Variants in SSPN observed in about 807,000 individuals in gnomAD.
The protein encoded by SSPN is K-ras oncogene-associated protein.
Under a neutral mutation model 19.1 loss-of-function variants are expected in SSPN, and 15 were observed. The observed-to-expected ratio is 0.78, with a 90% CI of 0.52 to 1.21. The LOEUF (loss-of-function observed/expected upper bound fraction) is 1.21, where lower values mean the gene tolerates loss of function less well. Among genes scored for constraint, SSPN ranks in the 50% most tolerant of loss-of-function variants. The pLI is 0.00. For missense variants in SSPN, 291 were observed against 314.0 expected (o/e 0.93, Z 0.55); for synonymous variants, 147 against 140.3 (o/e 1.05, Z -0.34).
Position 26,230,779 on chromosome 12 carries a change from C to T in SSPN, c.435C>T (p.His145=), listed in dbSNP as rs766567971. The T allele has an allele frequency of 1.2e-6, 2 of 1,614,098 alleles. No homozygotes were observed. The highest frequency in any genetic ancestry group is 2.2e-5 in the East Asian group (1 of 44,900). The change falls in exon 3 of 3, where the codon CAC becomes CAT. Residue 145 remains histidine (H), a synonymous_variant. Transcript: ENST00000242729. ...TGCTGGCCGTGGCCTTTGCCGCCCA[C>T]CACTATTCGCAGCTCACACAGTTTA... is the stretch of plus-strand genomic sequence containing the variant. ...VCVLAVAFAA[H]HYSQLTQFTC...
At chr12:26,211,997 A>C (rs1351335) in intron 1 of SSPN, among the ~76,000 whole-genome samples, 151,763 of 152,276 alleles carry the variant, frequency 1, 75,627 homozygotes, top group Middle Eastern at 1. Context: ...TTTATCACAA[A>C]GTACTGGTGA....
rs1014229273 is a variant in SSPN, at chr12:26,233,176, T to A, written c.*2100T>A. 2 of 152,070 alleles carry A rather than the reference T, an allele frequency of 1.3e-5. No homozygotes were observed. Among genetic ancestry groups the A allele is most frequent in the African/African-American group, 2.4e-5 (1 of 41,404 alleles). The allele number at this position is 152,070 out of a possible 1,614,324, so 9.4% of individuals were successfully genotyped here. The stretch of plus-strand genomic sequence containing the variant: ...AGTTTTTATATTTAAAAATTAAGAC[T>A]CTGTATATCCTTAAGGTGCTCTATG... On this transcript the variant is annotated 3_prime_UTR_variant, in exon 3 of 3. Coordinates refer to ENST00000242729, the MANE Select transcript of SSPN (RefSeq NM_005086.5). This position sits in a 1 kb window ranked among gnomAD's most constrained non-coding sequence, Gnocchi z 4.3.
intron 1 of SSPN, chr12:26,122,953 T>G: frequency 6.4e-7 from 1 of 1,557,470 alleles, no homozygotes; most frequent in Non-Finnish European, 8.7e-7. Context: ...CCGGTGCCTT[T>G]GCTCAGAGGG....
chr12:26,186,246 T>G (rs1189330205), intron 1 of SSPN, among the ~76,000 whole-genome samples: 3 of 152,140 alleles, frequency 2.0e-5, no homozygotes, highest in Non-Finnish European at 4.4e-5. Context: ...TGCAGGTGCT[T>G]GTGACCTGCA....
chr12:26,216,671 A>T (rs377232276), intron 1 of SSPN, among the ~76,000 whole-genome samples: 3 of 93,794 alleles, frequency 3.2e-5, no homozygotes, highest in Admixed American at 1.3e-4. Context: ...CTGAATGGTA[A>T]TGCCTAGGTT....
intron 1 of SSPN, among the ~76,000 whole-genome samples, chr12:26,152,805 A>G (rs1944533248): frequency 6.6e-6 from 1 of 152,180 alleles, no homozygotes; most frequent in African/African-American, 2.4e-5. Context: ...TGTTGTTCCT[A>G]GAAGAAGACT....
chr12:26,201,034 T>TTATATATATATATATA (rs1944877471), intron 1 of SSPN, among the ~76,000 whole-genome samples: 1 of 55,858 alleles, frequency 1.8e-5, no homozygotes, highest in Non-Finnish European at 3.4e-5. Flanking sequence ...TATATATATA[T>TTATATATATATATATA]ATATATATAT....
At chr12:26,156,848 G>GT (rs1174131533) in intron 1 of SSPN, among the ~76,000 whole-genome samples, 1 of 152,170 alleles carries the variant, frequency 6.6e-6, no homozygotes, top group African/African-American at 2.4e-5. Flanking sequence ...ATAGGTTTGT[G>GT]TATCACCCTT....
chr12:26,191,881 T>G (rs1042188003), upstream of SSPN, among the ~76,000 whole-genome samples: 1 of 152,234 alleles, frequency 6.6e-6, no homozygotes, highest in African/African-American at 2.4e-5. Context: ...ACATTTCAGA[T>G]AGATTTAGTT....
intron 1 of SSPN, among the ~76,000 whole-genome samples, chr12:26,151,959 G>A (rs1944528400): frequency 6.6e-6 from 1 of 151,902 alleles, no homozygotes; most frequent in African/African-American, 2.4e-5. Context: ...GAGAAGGAGG[G>A]GAAAGAGATG....
At chr12:26,225,798 A>G (rs1359748025) in intron 2 of SSPN, among the ~76,000 whole-genome samples, 1 of 150,842 alleles carries the variant, frequency 6.6e-6, no homozygotes, top group African/African-American at 2.4e-5. Flanking sequence ...TGGCCTGTTA[A>G]ATTACAAGAA....
chr12:26,126,109 C>T (rs1944362307), intron 1 of SSPN: 1 of 152,266 alleles, frequency 6.6e-6, no homozygotes, highest in African/African-American at 2.4e-5. Context: ...AACCCGTGCG[C>T]GCGCGCGCTC....
At chr12:26,170,531 A>T (rs965556681) in intron 1 of SSPN, among the ~76,000 whole-genome samples, 3 of 152,234 alleles carry the variant, frequency 2.0e-5, no homozygotes, top group African/African-American at 4.8e-5. Flanking sequence ...GCCACTATTG[A>T]AATCGTTTCA....
intron 1 of SSPN, among the ~76,000 whole-genome samples, chr12:26,127,222 G>C (rs1035232863): frequency 6.6e-6 from 1 of 152,184 alleles, no homozygotes; most frequent in Non-Finnish European, 1.5e-5. Flanking sequence ...ATTGCATTTT[G>C]GCCTCGTCGG....
chr12:26,225,761 A>G (rs1367175573), intron 2 of SSPN, among the ~76,000 whole-genome samples: 1 of 151,708 alleles, frequency 6.6e-6, no homozygotes, highest in Non-Finnish European at 1.5e-5. Context: ...AAAAAAAAAA[A>G]AAAAAGCCAG....
At chr12:26,182,804 C>A (rs1298316470) in intron 1 of SSPN, among the ~76,000 whole-genome samples, 2 of 151,204 alleles carry the variant, frequency 1.3e-5, no homozygotes, top group Admixed American at 1.3e-4. Context: ...TCTCAGTCAC[C>A]CAGGCTGAAG....
chr12:26,141,971 A>C (rs1944463135), intron 1 of SSPN, among the ~76,000 whole-genome samples: 1 of 152,200 alleles, frequency 6.6e-6, no homozygotes, highest in African/African-American at 2.4e-5. Flanking sequence ...TCTCCAGAGG[A>C]ATTACTATTG....
chr12:26,122,186 C>A, intron 1 of SSPN: 1 of 1,479,806 alleles, frequency 6.8e-7, no homozygotes, highest in Non-Finnish European at 9.0e-7. Context: ...GGGGGTGCGG[C>A]GCCCCAAGGG....
At chr12:26,122,155 G>C in intron 1 of SSPN, 4 of 1,542,094 alleles carry the variant, frequency 2.6e-6, no homozygotes, top group Non-Finnish European at 3.5e-6. Context: ...AAGGGCAGGT[G>C]GGTGCGGCCG....
Sources: gnomAD v4.1 joint callset for allele counts (sites outside exome capture counted in the v4.1 genomes callset) on GRCh38, gnomAD v4.1.1 for gene constraint, Gnocchi (gnomAD v3.1) non-coding constraint, MANE v1.5 for transcripts, NCBI Gene and HGNC (gene_info 2026-07-23, HGNC 2026-07-21) for gene names.